The following SLC16A3 variants were observed in gnomAD, a reference collection of about 807,000 sequenced individuals.
The protein encoded by SLC16A3 is monocarboxylate transporter 4.
In SLC16A3, 22 loss-of-function variants were observed where a neutral mutation model predicts 25.0. The observed-to-expected ratio is 0.88, with a 90% confidence interval of 0.63 to 1.26. The LOEUF (loss-of-function observed/expected upper bound fraction) is 1.26. Among genes scored for constraint, SLC16A3 ranks in the 50% most tolerant of loss-of-function variants. SLC16A3 has a pLI of 0.00. For synonymous variants in SLC16A3, 390 were observed against 309.2 expected (o/e 1.26, Z -2.74); for missense variants, 731 against 666.6 (o/e 1.10, Z -1.06).
At chr17:82,233,464 C>T (rs986273868) in intron 1 of SLC16A3, among the ~76,000 whole-genome samples, 11 of 152,236 alleles carry the variant, frequency 7.2e-5, no homozygotes, top group Non-Finnish European at 1.2e-4. Context: ...AATTCAGGGG[C>T]GCCGCGTCTC....
At chr17:82,235,297 G>A in intron 1 of SLC16A3, 1 of 153,812 alleles carries the variant, frequency 6.5e-6, no homozygotes. Context: ...GGGCATCCAG[G>A]GACAAGGGGC....
Position 82,239,696 on chromosome 17 carries a change from G to A in SLC16A3, c.*720G>A, listed in dbSNP as rs904365421. The A allele has an allele frequency of 1.1e-5, 4 of 351,728 alleles. No individual in the cohort carries two copies. Among genetic ancestry groups the A allele is most frequent in the African/African-American group, 6.3e-5 (3 of 47,306 alleles). 21.8% of individuals were successfully genotyped at this position (351,728 alleles called of 1,614,324 possible). A position where few individuals can be genotyped will look rare whatever the true frequency, so the allele number is the denominator to read the frequency against. ...AGGGTGGCCTCTGAAATGTGCCAGG[G>A]AGCCCCTACGTGGTGGTTAGATGGG... On this transcript the variant is annotated 3_prime_UTR_variant, in exon 5 of 5. Coordinates refer to ENST00000582743, the MANE Select transcript of SLC16A3 (RefSeq NM_004207.4).
rs117720229 is a variant in SLC16A3 at position 82,236,077 on chromosome 17, C to G, written c.69C>G (p.Ala23=). The G allele has an allele frequency of 4.1e-3, 6,563 of 1,612,890 alleles. 20 individuals carry two copies. Among genetic ancestry groups the G allele is most frequent in the Non-Finnish European group, 5.3e-3 (6,271 of 1,179,888 alleles). ...CCCCTGACGGCGGCTGGGGCTGGGC[C>G]GTGCTCTTCGGCTGTTTCGTCATCA... ...VKAPDGGWGW[A]VLFGCFVITG... is the part of the protein sequence containing the mutation. Residue 23 remains alanine (A), a synonymous_variant, in exon 2 of 5, where the codon GCC becomes GCG. Coordinates refer to ENST00000582743, the MANE Select transcript of SLC16A3 (RefSeq NM_004207.4).
At chr17:82,233,863 C>CG (rs2050540964) in intron 1 of SLC16A3, 2 of 151,594 alleles carry the variant, frequency 1.3e-5, no homozygotes, top group African/African-American at 2.4e-5. Flanking sequence ...TTTTTTGAGA[C>CG]AGAGTCTCGC....
At chr17:82,236,600 G>A in intron 2 of SLC16A3, 129 bp from the exon 3 acceptor site, 1 of 1,356,238 alleles carries the variant, frequency 7.4e-7, no homozygotes, top group Non-Finnish European at 1.0e-6. Context: ...CCCACGGGGT[G>A]CCCCTGGTGC....
At position 82,222,182 on chromosome 17, in the gene SLC16A3, TCCG is replaced by T. The variant is rs1409904363; in HGVS notation, c.-27+4000_-27+4002del. 3.3e-3 allele frequency among the ~76,000 whole-genome samples: 278 copies of T among 85,534 alleles called. 7 individuals carry two copies. Among genetic ancestry groups the T allele is most frequent in the African/African-American group, 0.015 (257 of 17,188 alleles). The allele number at this position is 85,534 out of a possible 152,430, so 56.1% of individuals were successfully genotyped here. ...GGAGCGTCGCCCTGGGACCCCCAAC[TCCG>T]CTCCCACGTTCGTGGAGACGAGCGT... On this transcript the variant is annotated intron_variant, in intron 1 of 4. Transcript: ENST00000580098.
At chr17:82,226,591 C>T (rs1049489900), upstream of SLC16A3, among the ~76,000 whole-genome samples, 2 of 152,162 alleles carry the variant, frequency 1.3e-5, no homozygotes, top group South Asian at 4.1e-4. Flanking sequence ...GCATCTTACC[C>T]GAAACCAAAG....
chr17:82,225,870 C>T (rs1410373591), upstream of SLC16A3, among the ~76,000 whole-genome samples: 3 of 152,122 alleles, frequency 2.0e-5, no homozygotes, highest in Admixed American at 2.0e-4. Flanking sequence ...TTCTGCCACC[C>T]TCCCTGGGGC....
intron 1 of SLC16A3, chr17:82,234,113 T>C (rs1190548589): frequency 6.6e-6 from 1 of 152,256 alleles, no homozygotes. Flanking sequence ...GTGCTGGGAT[T>C]ACAGGCGTGA....
At chr17:82,229,485 G>C (rs2050459661) in intron 1 of SLC16A3, 1 of 152,466 alleles carries the variant, frequency 6.6e-6, no homozygotes, top group African/African-American at 2.4e-5. Context: ...GGCTATATTT[G>C]GTGGGGCTGC....
chr17:82,236,921 C>G (rs377179500), intron 3 of SLC16A3, 49 bp downstream of exon 3: 8 of 1,591,572 alleles, frequency 5.0e-6, no homozygotes, highest in Middle Eastern at 1.9e-4. Flanking sequence ...GGGCAGGGGC[C>G]GTGCACTTCT....
In SLC16A3 at chr17:82,239,001, C is replaced by T. The variant is rs114517919; in HGVS notation, c.*25C>T. 2.9e-3 allele frequency: 4,300 copies of T among 1,502,820 alleles called. 114 individuals carry two copies. In the African/African-American group the frequency reaches 0.055, roughly 19 times the overall value. 93.1% of individuals were successfully genotyped at this position (1,502,820 alleles called of 1,614,324 possible). A position where few individuals can be genotyped will look rare whatever the true frequency, so the allele number is the denominator to read the frequency against. On this transcript the variant is annotated 3_prime_UTR_variant, in exon 5 of 5. Transcript: ENST00000582743. ...AGTGGCTGGGCGGGGCCGGCAGGCACAGGGAGGAGGTACAGAAGCCGGCAA... is the reference window on the plus strand; with the variant it reads ...AGTGGCTGGGCGGGGCCGGCAGGCATAGGGAGGAGGTACAGAAGCCGGCAA...
In SLC16A3 at chr17:82,239,771, G is replaced by A; in HGVS notation, c.*795G>A. The A allele has an allele frequency of 2.5e-6, 1 of 394,864 alleles. No homozygotes were observed. The highest frequency in any genetic ancestry group is 4.5e-6 in the Non-Finnish European group (1 of 224,214). The allele number at this position is 394,864 out of a possible 1,614,324, so 24.5% of individuals were successfully genotyped here. A position where few individuals can be genotyped will look rare whatever the true frequency, so the allele number is the denominator to read the frequency against. On this transcript the variant is annotated 3_prime_UTR_variant, in exon 5 of 5. Coordinates refer to ENST00000582743, the MANE Select transcript of SLC16A3 (RefSeq NM_004207.4). Reference sequence around the variant, plus strand: ...ATTCACTGCTGTGTTTAAGAAACAGGACCCTCCTGCCTTCCCTTTTTCGCC... The same window carrying A: ...ATTCACTGCTGTGTTTAAGAAACAGAACCCTCCTGCCTTCCCTTTTTCGCC...
upstream of SLC16A3, among the ~76,000 whole-genome samples, chr17:82,226,428 T>C (rs2050422187): frequency 6.6e-6 from 1 of 152,026 alleles, no homozygotes; most frequent in South Asian, 2.1e-4. Flanking sequence ...GGTGCAGAGA[T>C]GCGGACACAC....
chr17:82,238,224 T>C lies in SLC16A3; in HGVS notation c.1123+331T>C, dbSNP rs528679047. ...GGCTTTTGCATTTTGGGGCCTCTCC[T>C]TTTTGAAGGATGACTGAGCTAACAC... On this transcript the variant is annotated intron_variant, in intron 4 of 4. Transcript: ENST00000582743. Among the ~76,000 whole-genome samples, 5 of 152,350 alleles carry C rather than the reference T, an allele frequency of 3.3e-5. No individual in the cohort carries two copies. In the South Asian group the frequency reaches 1.0e-3, roughly 32 times the overall value.
upstream of SLC16A3, among the ~76,000 whole-genome samples, chr17:82,227,655 G>GC (rs1231490184): frequency 2.2e-4 from 5 of 23,068 alleles, no homozygotes; most frequent in Admixed American, 7.5e-4. Context: ...ACCTGCCCTG[G>GC]GCGGGAGCAC....
chr17:82,218,685 G>A (rs1012314486), intron 1 of SLC16A3, among the ~76,000 whole-genome samples: 7 of 152,270 alleles, frequency 4.6e-5, no homozygotes, highest in Admixed American at 2.6e-4. Context: ...ACAGAGGCCC[G>A]GCCAGGGCTA....
upstream of SLC16A3, among the ~76,000 whole-genome samples, chr17:82,228,864 C>T (rs1238528106): frequency 6.6e-6 from 1 of 150,858 alleles, no homozygotes; most frequent in Non-Finnish European, 1.5e-5. Context: ...GGGGGGGTCC[C>T]TGGGCCCGGC....
chr17:82,238,286 C>T (rs1005299487), intron 4 of SLC16A3, among the ~76,000 whole-genome samples: 4 of 152,220 alleles, frequency 2.6e-5, no homozygotes, highest in African/African-American at 9.6e-5. Flanking sequence ...GCAGCCTTGC[C>T]CAGGCTCCGC....
Sources: allele counts gnomAD v4.1 joint callset (sites outside exome capture counted in the v4.1 genomes callset), GRCh38; gene constraint gnomAD v4.1.1; transcripts MANE v1.5; gene names NCBI Gene and HGNC (gene_info 2026-07-23, HGNC 2026-07-21).